The following RASA1 variants were observed in gnomAD, a reference collection of about 807,000 sequenced individuals.
RASA1 encodes RAS p21 protein activator 1.
RASA1 carries 25 observed loss-of-function variants against 132.2 expected under a neutral mutation model. The observed-to-expected ratio is 0.19, with a 90% CI of 0.14 to 0.26. The LOEUF (loss-of-function observed/expected upper bound fraction) is 0.26. Ranked by LOEUF, RASA1 falls within the 10% of genes least tolerant of loss-of-function variation. The pLI, the probability that RASA1 is intolerant of heterozygous loss-of-function variation, is 1.00. For synonymous variants in RASA1, 477 were observed against 449.9 expected (o/e 1.06, Z -0.76); for missense variants, 964 against 1,299.2 (o/e 0.74, Z 3.97).
rs547841388 is a variant in RASA1, at chr5:87,318,204, C to T, written c.540-13144C>T. The stretch of plus-strand genomic sequence containing the variant: ...CCCACAAATATTTGTGGATTCCCTA[C>T]TGTATGCAAAGCACTGTACTAAGAA... On this transcript the variant is annotated intron_variant, in intron 1 of 24. Transcript: ENST00000274376. Among the ~76,000 whole-genome samples the T allele has an allele frequency of 1.5e-4, 23 of 152,212 alleles. No individual in the cohort carries two copies. In the South Asian group the frequency reaches 4.8e-3, roughly 32 times the overall value.
intron 1 of RASA1, among the ~76,000 whole-genome samples, chr5:87,272,160 A>C (rs868382357): frequency 2.6e-5 from 4 of 152,114 alleles, no homozygotes; most frequent in Non-Finnish European, 4.4e-5. Context: ...AAAAAAAAAA[A>C]ACACCATGAT....
intron 9 of RASA1, among the ~76,000 whole-genome samples, chr5:87,356,752 C>G (rs777872340): frequency 2.0e-5 from 3 of 152,146 alleles, no homozygotes; most frequent in Non-Finnish European, 2.9e-5. Context: ...ACTTAGTAGA[C>G]TACAGTATAG....
At chr5:87,385,852 T>G (rs956917217) in intron 22 of RASA1, among the ~76,000 whole-genome samples, 1 of 152,086 alleles carries the variant, frequency 6.6e-6, no homozygotes, top group African/African-American at 2.4e-5. Flanking sequence ...TCTTGCCATA[T>G]GTGGAAATAG....
chr5:87,341,415 T>A, intron 6 of RASA1, 94 bp downstream of exon 6: 1 of 777,944 alleles, frequency 1.3e-6, no homozygotes, highest in African/African-American at 1.8e-5. Context: ...TTTTTTAAGG[T>A]TTTGGACTGA....
intron 15 of RASA1, chr5:87,376,145 A>C: frequency 1.9e-6 from 1 of 533,868 alleles, no homozygotes. Flanking sequence ...CTTCTTGACT[A>C]AACTGACCTC....
At chr5:87,280,612 T>C (rs1754273865) in intron 1 of RASA1, among the ~76,000 whole-genome samples, 1 of 152,160 alleles carries the variant, frequency 6.6e-6, no homozygotes, top group South Asian at 2.1e-4. Context: ...CTCGCCCAGC[T>C]TGAAAAATCT....
chr5:87,279,285 T>C (rs1399689714), intron 1 of RASA1, among the ~76,000 whole-genome samples: 1 of 152,218 alleles, frequency 6.6e-6, no homozygotes, highest in African/African-American at 2.4e-5. Flanking sequence ...GATTGGCATT[T>C]GTCACTCAGC....
At chr5:87,387,014 CAAAA>C in intron 23 of RASA1, 111 bp downstream of exon 23, 1 of 1,040,194 alleles carries the variant, frequency 9.6e-7, no homozygotes, top group South Asian at 1.5e-5. Flanking sequence ...ACTAAAAAGA[CAAAA>C]AGCCTGCAAA....
intron 1 of RASA1, among the ~76,000 whole-genome samples, chr5:87,314,932 A>AC (rs948020016): frequency 6.6e-6 from 1 of 152,106 alleles, no homozygotes; most frequent in African/African-American, 2.4e-5. Context: ...GATAAGTGAC[A>AC]CCCCCATCTT....
At chr5:87,378,779 T>G (rs2112496420) in intron 18 of RASA1, among the ~76,000 whole-genome samples, 1 of 152,292 alleles carries the variant, frequency 6.6e-6, no homozygotes, top group African/African-American at 2.4e-5. Context: ...GAAAATACTT[T>G]GTCATTTCCT....
chr5:87,267,951 GC>G lies in RASA1; in HGVS notation c.-494del, dbSNP rs1344168726. The G allele has an allele frequency of 2.8e-6, 1 of 357,734 alleles. No homozygotes were observed. Among genetic ancestry groups the G allele is most frequent in the Non-Finnish European group, 4.9e-6 (1 of 204,750 alleles). 22.2% of individuals were successfully genotyped at this position (357,734 alleles called of 1,614,324 possible). A position where few individuals can be genotyped will look rare whatever the true frequency, so the allele number is the denominator to read the frequency against. ...TCGTTACCCCGCCCCCCTTTCTCTT[GC>G]CCCCCCACCCCTCTCATCTGCCTGG... On this transcript the variant is annotated 5_prime_UTR_variant, in exon 1 of 25. Coordinates refer to ENST00000274376, the MANE Select transcript of RASA1 (RefSeq NM_002890.3).
chr5:87,282,453 T>A (rs1366364304), intron 1 of RASA1, among the ~76,000 whole-genome samples: 1 of 152,240 alleles, frequency 6.6e-6, no homozygotes, highest in African/African-American at 2.4e-5. Context: ...GGTGTTCCCC[T>A]ATAAGGTAAT....
At position 87,281,385 on chromosome 5, in the gene RASA1, C is replaced by T. The variant is rs73156322; in HGVS notation, c.539+12395C>T. ...CGCCTCCTGAGTTCAAGTGATTATC[C>T]TGCCTCAGCTTCCCGAGTGCCAACA... On this transcript the variant is annotated intron_variant, in intron 1 of 24. Transcript: ENST00000274376. Among the ~76,000 whole-genome samples the T allele has an allele frequency of 1.7e-3, 258 of 152,042 alleles. 1 individual carries two copies. The Middle Eastern group carries it at 0.017, about 10-fold the overall frequency.
chr5:87,320,961 G>A (rs1295616696), intron 1 of RASA1, among the ~76,000 whole-genome samples: 5 of 152,176 alleles, frequency 3.3e-5, no homozygotes, highest in African/African-American at 4.8e-5. Context: ...ATGGTGAATA[G>A]TTTGTGCTTT....
chr5:87,338,539 T>A (rs1372358808), intron 5 of RASA1, among the ~76,000 whole-genome samples: 4 of 99,496 alleles, frequency 4.0e-5, no homozygotes, highest in Admixed American at 1.1e-4. Flanking sequence ...ATATAAAATT[T>A]TTTTTTTTTT....
chr5:87,377,645 A>G (rs932743209), intron 17 of RASA1, among the ~76,000 whole-genome samples: 1 of 151,998 alleles, frequency 6.6e-6, no homozygotes, highest in Admixed American at 6.6e-5. Context: ...TCTTCATTAC[A>G]CAGAAGCTGG....
intron 1 of RASA1, among the ~76,000 whole-genome samples, chr5:87,278,145 A>G (rs1754147334): frequency 6.6e-6 from 1 of 152,226 alleles, no homozygotes; most frequent in African/African-American, 2.4e-5. Flanking sequence ...GTGTAACGAT[A>G]GACCGTATCT....
intron 7 of RASA1, among the ~76,000 whole-genome samples, 199 bp from the exon 8 acceptor site, chr5:87,349,015 G>A (rs769522506): frequency 2.0e-5 from 3 of 151,772 alleles, no homozygotes; most frequent in Non-Finnish European, 4.4e-5. Context: ...ATACACCAGA[G>A]AGATAGCAGA....
At chr5:87,285,003 A>G (rs1033160054) in intron 1 of RASA1, among the ~76,000 whole-genome samples, 2 of 151,664 alleles carry the variant, frequency 1.3e-5, no homozygotes, top group Admixed American at 6.6e-5. Context: ...AAATCATACA[A>G]CTTTTAAAGT....
Sources: gnomAD v4.1 joint callset for allele counts (sites outside exome capture counted in the v4.1 genomes callset) on GRCh38, gnomAD v4.1.1 for gene constraint, MANE v1.5 for transcripts, NCBI Gene and HGNC (gene_info 2026-07-23, HGNC 2026-07-21) for gene names.